Variants in VCAN observed in about 807,000 individuals in gnomAD.
VCAN encodes versican.
A neutral mutation model predicts 245.5 loss-of-function variants in VCAN; 44 were observed. The observed-to-expected ratio is 0.18, with a 90% confidence interval of 0.14 to 0.23. VCAN has a LOEUF of 0.23. VCAN is among the 10% of genes least tolerant of loss of function. The probability of loss-of-function intolerance (pLI) is 1.00; values close to 1 mark genes in which losing one functional copy is unlikely to be tolerated. For synonymous variants in VCAN, 1,413 were observed against 1,437.0 expected, an observed-to-expected ratio of 0.98 and a Z score of 0.38; for missense variants, 3,793 against 4,057.9, an observed-to-expected ratio of 0.93 and a Z score of 1.77.
intron 3 of VCAN, among the ~76,000 whole-genome samples, chr5:83,492,492 G>T (rs1214660425): frequency 1.3e-5 from 2 of 152,128 alleles, no homozygotes; most frequent in African/African-American, 4.8e-5. Context: ...TTGATGTCTT[G>T]CAGAAATGAG....
rs145612319 is a variant in VCAN, at chr5:83,541,922, G to C, written c.8919G>C (p.Gln2973His). The stretch of plus-strand genomic sequence containing the variant: ...AAATTGAATTAGAAGGTGCTACACA[G>C]TGGCCACACTCTACTTCTGCTTCTG... ...ADEIELEGAT[Q>H]WPHSTSASAT... Residue 2973 changes from glutamine (Q) to histidine (H), a missense_variant, in exon 8 of 15, where the codon CAG becomes CAC. Physicochemically the swap from Gln to His is conservative, Grantham distance 24. Transcript: ENST00000265077. 1.2e-4 allele frequency: 191 copies of C among 1,614,090 alleles called. No individual in the cohort carries two copies. In the African/African-American group the frequency reaches 2.3e-3, roughly 19 times the overall value.
chr5:83,576,411 T>C (rs1014519802), intron 13 of VCAN, among the ~76,000 whole-genome samples: 1 of 152,178 alleles, frequency 6.6e-6, no homozygotes, highest in Non-Finnish European at 1.5e-5. Flanking sequence ...TGTTCTTTGT[T>C]TTTGTTTCTG....
At chr5:83,558,165 A>G (rs1747740893) in intron 12 of VCAN, among the ~76,000 whole-genome samples, 1 of 151,734 alleles carries the variant, frequency 6.6e-6, no homozygotes, top group African/African-American at 2.4e-5. Flanking sequence ...TGTCCCTTAA[A>G]CTCGTTTGTA....
At chr5:83,553,727 G>C (rs1747559775) in intron 11 of VCAN, among the ~76,000 whole-genome samples, 1 of 152,198 alleles carries the variant, frequency 6.6e-6, no homozygotes, top group Non-Finnish European at 1.5e-5. Context: ...GTAGGCATTG[G>C]TTTGTCTGCC....
At chr5:83,554,032 C>A (rs933125720) in intron 11 of VCAN, among the ~76,000 whole-genome samples, 1 of 152,172 alleles carries the variant, frequency 6.6e-6, no homozygotes, top group African/African-American at 2.4e-5. Flanking sequence ...GGAAAGTGAG[C>A]TACATCCTAA....
chr5:83,478,923 G>A (rs1159100389), intron 1 of VCAN, among the ~76,000 whole-genome samples: 1 of 152,114 alleles, frequency 6.6e-6, no homozygotes, highest in Non-Finnish European at 1.5e-5. Context: ...ATGGGAAAGG[G>A]AATAGAGTAC....
At chr5:83,516,882 T>C (rs2112401026) in intron 6 of VCAN, among the ~76,000 whole-genome samples, 1 of 152,370 alleles carries the variant, frequency 6.6e-6, no homozygotes. Flanking sequence ...AATCCTCAGA[T>C]ACACTGACTT....
intron 1 of VCAN, among the ~76,000 whole-genome samples, chr5:83,475,340 C>T (rs867383825): frequency 7.9e-5 from 12 of 152,330 alleles, no homozygotes; most frequent in South Asian, 6.2e-4. Flanking sequence ...ATTGGAAGAA[C>T]TGGATTTTAA....
intron 12 of VCAN, among the ~76,000 whole-genome samples, chr5:83,562,889 G>C (rs1747922188): frequency 6.6e-6 from 1 of 152,102 alleles, no homozygotes; most frequent in Non-Finnish European, 1.5e-5. Flanking sequence ...AAATGCTGTT[G>C]ATAATTGCTG....
intron 1 of VCAN, among the ~76,000 whole-genome samples, chr5:83,478,656 A>T (rs1045048902): frequency 3.9e-5 from 6 of 152,246 alleles, no homozygotes; most frequent in African/African-American, 1.4e-4. Flanking sequence ...GATTTGGAAC[A>T]TTCTCCAAAA....
In VCAN at chr5:83,520,113, T is replaced by G. The variant is rs954407879; in HGVS notation, c.1807T>G (p.Ser603Ala). The change falls in exon 7 of 15, where the codon TCC becomes GCC. Residue 603 changes from serine (S) to alanine (A), a missense_variant. This residue lies in a region of VCAN where 3,182 missense variants were observed against 3,250.3 expected (regional missense o/e 0.98). Transcript: ENST00000265077. ...HLEDLESVSASTTVSPLIMPD... is the reference protein window; with the variant it reads ...HLEDLESVSAATTVSPLIMPD... The stretch of plus-strand genomic sequence containing the variant: ...AGAAGACTTGGAGTCAGTCTCAGCA[T>G]CCACAACTGTTTCCCCTTTAATTAT... The G allele has an allele frequency of 6.2e-7, 1 of 1,613,940 alleles. No individual in the cohort carries two copies. Among genetic ancestry groups the G allele is most frequent in the African/African-American group, 1.3e-5 (1 of 74,910 alleles).
intron 7 of VCAN, among the ~76,000 whole-genome samples, chr5:83,523,656 G>A (rs1260900945): frequency 2.6e-5 from 4 of 152,122 alleles, no homozygotes; most frequent in Admixed American, 2.0e-4. Context: ...GAATAGTAGA[G>A]AAGAGAACAC....
In VCAN at chr5:83,490,322, G is replaced by T; in HGVS notation, c.295G>T (p.Gly99Trp). Reference protein sequence around the residue: ...GNIKIGQDYKGRVSVPTHPEA... With the variant: ...GNIKIGQDYKWRVSVPTHPEA... ...TATCAAGATTGGTCAGGACTACAAA[G>T]GGAGAGTGTCTGTGCCCACACATCC... Residue 99 changes from glycine to tryptophan, a missense_variant, in exon 3 of 15, where the codon GGG becomes TGG. By Grantham distance (184) the Gly-to-Trp change is radical. Coordinates refer to ENST00000265077, the MANE Select transcript of VCAN (RefSeq NM_004385.5). 6.2e-7 allele frequency: 1 copy of T among 1,614,208 alleles called. No individual in the cohort carries two copies. Among genetic ancestry groups the T allele is most frequent in the Non-Finnish European group, 8.5e-7 (1 of 1,180,044 alleles).
At chr5:83,485,043 A>G (rs1282565707) in intron 2 of VCAN, among the ~76,000 whole-genome samples, 8 of 152,210 alleles carry the variant, frequency 5.3e-5, no homozygotes, top group Non-Finnish European at 1.0e-4. Context: ...CAAAACTTGA[A>G]TAGAACTCCC....
At chr5:83,542,319 T>C in intron 8 of VCAN, 51 bp downstream of exon 8, 1 of 1,562,838 alleles carries the variant, frequency 6.4e-7, no homozygotes, top group Non-Finnish European at 8.7e-7. Flanking sequence ...AACAGTCCCT[T>C]GGTGCTAACG....
At chr5:83,480,020 G>A (rs1224427415) in intron 1 of VCAN, among the ~76,000 whole-genome samples, 2 of 152,176 alleles carry the variant, frequency 1.3e-5, no homozygotes, top group Admixed American at 6.5e-5. Flanking sequence ...TAATGCTCAT[G>A]ATCAGCCAGC....
At chr5:83,513,771 T>C (rs994770975) in intron 6 of VCAN, among the ~76,000 whole-genome samples, 15 of 152,222 alleles carry the variant, frequency 9.9e-5, no homozygotes, top group African/African-American at 3.4e-4. Flanking sequence ...ACAACAATGA[T>C]TTTTCAAGTA....
chr5:83,525,236 G>C (rs1352770190), intron 7 of VCAN, among the ~76,000 whole-genome samples: 2 of 151,822 alleles, frequency 1.3e-5, no homozygotes, highest in Admixed American at 1.3e-4. Context: ...AAATGCTATG[G>C]GGTGTGTTTA....
At chr5:83,534,381 G>A (rs957242745) in intron 7 of VCAN, among the ~76,000 whole-genome samples, 1 of 151,974 alleles carries the variant, frequency 6.6e-6, no homozygotes, top group African/African-American at 2.4e-5. Context: ...CCAGCTGAAT[G>A]GCTCGTTTTA....
Sources: allele counts gnomAD v4.1 joint callset (sites outside exome capture counted in the v4.1 genomes callset), GRCh38; gene constraint gnomAD v4.1.1; regional missense constraint gnomAD v4.1.1; transcripts MANE v1.5; gene names NCBI Gene and HGNC (gene_info 2026-07-23, HGNC 2026-07-21).